ASIC2: variants seen among roughly 807,000 people sequenced by gnomAD.
ASIC2 encodes acid sensing ion channel subunit 2, also known as acid-sensing ion channel 2.
A neutral mutation model predicts 57.3 loss-of-function variants in ASIC2; 25 were observed. The observed-to-expected ratio is 0.44, with a 90% CI of 0.32 to 0.61. The LOEUF (loss-of-function observed/expected upper bound fraction) is 0.61, where lower values mean the gene tolerates loss of function less well. Among genes scored for constraint, ASIC2 ranks in the 20% least tolerant of loss-of-function variants. The probability of loss-of-function intolerance (pLI) is 0.06; values close to 1 mark genes in which losing one functional copy is unlikely to be tolerated. For synonymous variants in ASIC2, 319 were observed against 307.5 expected, an observed-to-expected ratio of 1.04 and a Z score of -0.39; for missense variants, 641 against 738.1, an observed-to-expected ratio of 0.87 and a Z score of 1.52.
chr17:33,738,968 A>G (rs906937057), intron 1 of ASIC2, among the ~76,000 whole-genome samples: 4 of 152,216 alleles, frequency 2.6e-5, no homozygotes, highest in Non-Finnish European at 5.9e-5. Flanking sequence ...GACCAAAAGC[A>G]TTATTTAACC....
intron 1 of ASIC2, among the ~76,000 whole-genome samples, chr17:33,473,326 T>C (rs1415916903): frequency 6.6e-6 from 1 of 152,124 alleles, no homozygotes; most frequent in Admixed American, 6.5e-5. Flanking sequence ...TGGATAAACA[T>C]CCCATCGGCT....
intron 1 of ASIC2, among the ~76,000 whole-genome samples, chr17:34,134,727 T>C (rs929227214): frequency 1.3e-5 from 2 of 152,206 alleles, no homozygotes; most frequent in African/African-American, 4.8e-5. Context: ...ATCCCAAGAT[T>C]AATCAGGTCT....
At chr17:33,578,795 AGT>A (rs1916738098) in intron 1 of ASIC2, among the ~76,000 whole-genome samples, 2 of 37,526 alleles carry the variant, frequency 5.3e-5, no homozygotes, top group African/African-American at 4.8e-4. Flanking sequence ...TCCTAAGATT[AGT>A]CTAGTCACAG....
chr17:33,136,762 A>T (rs185047433), intron 1 of ASIC2, among the ~76,000 whole-genome samples: 1 of 152,278 alleles, frequency 6.6e-6, no homozygotes, highest in East Asian at 1.9e-4. Context: ...AACCCTCAGG[A>T]GGCTAGGGCT....
chr17:33,221,354 A>T (rs73982468), intron 1 of ASIC2, among the ~76,000 whole-genome samples: 1 of 152,240 alleles, frequency 6.6e-6, no homozygotes, highest in African/African-American at 2.4e-5. Context: ...TTTCAGAAAC[A>T]ATGGTATAAA....
At position 34,105,137 on chromosome 17, in the gene ASIC2, T is replaced by C. The variant is rs1178680982; in HGVS notation, c.555+50841A>G. 2.6e-5 allele frequency among the ~76,000 whole-genome samples: 4 copies of C among 152,164 alleles called. No homozygotes were observed. The South Asian group carries it at 6.2e-4, about 24-fold the overall frequency. On this transcript the variant is annotated intron_variant, in intron 1 of 9. Transcript: ENST00000359872. ...TTTTCATGGGTATAGTTATTCAGAA[T>C]TTCTATATCATCTTGTGTTAGTTTT...
In ASIC2 at chr17:33,656,143, G is replaced by A. The variant is rs188157607; in HGVS notation, c.555+499835C>T. ...AAGAAGAAAAAAGGCTTTATGCTCA[G>A]AGAAGCTCATAATCATATTATGGGA... On this transcript the variant is annotated intron_variant, in intron 1 of 9. Transcript: ENST00000359872. Among the ~76,000 whole-genome samples, 19 of 152,148 alleles carry A rather than the reference G, an allele frequency of 1.2e-4. No homozygotes were observed. The East Asian group carries it at 3.1e-3, about 25-fold the overall frequency.
At chr17:33,426,404 G>A (rs544162685) in intron 1 of ASIC2, among the ~76,000 whole-genome samples, 3 of 152,338 alleles carry the variant, frequency 2.0e-5, no homozygotes, top group Admixed American at 1.3e-4. Context: ...CCAAAACGCA[G>A]GAGCCCAGTC....
chr17:33,190,068 A>T (rs951303729), intron 1 of ASIC2, among the ~76,000 whole-genome samples: 10 of 152,336 alleles, frequency 6.6e-5, no homozygotes, highest in Admixed American at 6.5e-4. Flanking sequence ...AACAGAAGGC[A>T]TATAAATTGG....
chr17:33,710,032 T>C lies in ASIC2; in HGVS notation c.555+445946A>G, dbSNP rs150431818. ...CATCTGTCTCCACACATGCCATGAA[T>C]TAATTATCTCTGCCTCCAAGCTCCA... On this transcript the variant is annotated intron_variant, in intron 1 of 9. Transcript: ENST00000359872. 9.2e-5 allele frequency among the ~76,000 whole-genome samples: 14 copies of C among 152,332 alleles called. No individual in the cohort carries two copies. In the East Asian group the frequency reaches 1.9e-3, roughly 21 times the overall value.
intron 1 of ASIC2, among the ~76,000 whole-genome samples, chr17:33,979,421 A>C (rs775522499): frequency 2.6e-5 from 4 of 152,128 alleles, no homozygotes; most frequent in Admixed American, 6.5e-5. Flanking sequence ...CACCAAGCCC[A>C]GGAGTGGCTC....
At chr17:33,852,176 T>C (rs1188742232) in intron 1 of ASIC2, among the ~76,000 whole-genome samples, 2 of 152,242 alleles carry the variant, frequency 1.3e-5, no homozygotes, top group Non-Finnish European at 2.9e-5. Context: ...GTAAGGCTGT[T>C]TTTTATTAAG....
At chr17:33,182,684 G>T (rs1293766987) in intron 1 of ASIC2, among the ~76,000 whole-genome samples, 8 of 152,180 alleles carry the variant, frequency 5.3e-5, no homozygotes, top group Admixed American at 2.0e-4. Context: ...CAGCAACGGA[G>T]AAAACAGTGG....
At chr17:34,037,639 A>G in intron 1 of ASIC2, 1 of 1,607,798 alleles carries the variant, frequency 6.2e-7, no homozygotes, top group Non-Finnish European at 8.5e-7. Context: ...AAGAACTGTT[A>G]TTGGACGCCC....
At chr17:33,204,021 A>T (rs1250540131) in intron 1 of ASIC2, among the ~76,000 whole-genome samples, 1 of 152,218 alleles carries the variant, frequency 6.6e-6, no homozygotes, top group Non-Finnish European at 1.5e-5. Context: ...TTTGGTTGGC[A>T]TCTAGCTCGT....
intron 1 of ASIC2, among the ~76,000 whole-genome samples, chr17:33,752,538 A>C (rs537922410): frequency 6.6e-6 from 1 of 152,246 alleles, no homozygotes; most frequent in African/African-American, 2.4e-5. Flanking sequence ...AACCCAATTA[A>C]AAAATGGGCC....
intron 1 of ASIC2, among the ~76,000 whole-genome samples, chr17:33,199,129 C>T (rs1025009216): frequency 6.6e-6 from 1 of 152,188 alleles, no homozygotes; most frequent in African/African-American, 2.4e-5. Flanking sequence ...GAGACCATTC[C>T]TGCACTGTGG....
At chr17:33,089,591 G>T (rs550539476) in intron 2 of ASIC2, among the ~76,000 whole-genome samples, 97 of 152,318 alleles carry the variant, frequency 6.4e-4, no homozygotes, top group Middle Eastern at 3.4e-3. Flanking sequence ...AGTTTGCCAG[G>T]TCAACTCCTT....
At chr17:33,480,025 G>T (rs991836448) in intron 1 of ASIC2, among the ~76,000 whole-genome samples, 9 of 152,140 alleles carry the variant, frequency 5.9e-5, no homozygotes, top group African/African-American at 1.9e-4. Context: ...GGGTTCTAAA[G>T]CATGCTCCTC....
Sources: allele counts gnomAD v4.1 joint callset (sites outside exome capture counted in the v4.1 genomes callset), GRCh38; gene constraint gnomAD v4.1.1; transcripts MANE v1.5; gene names NCBI Gene and HGNC (gene_info 2026-07-23, HGNC 2026-07-21).